CSMD1: variants seen among roughly 807,000 people sequenced by gnomAD.
CSMD1 encodes the protein CUB and Sushi multiple domains 1, also known as CUB and sushi domain-containing protein 1.
A neutral mutation model predicts 417.5 loss-of-function variants in CSMD1; 213 were observed. The ratio of observed to expected loss-of-function variants is 0.51; its 90% CI spans 0.46 to 0.57. The LOEUF is 0.57. Among genes scored for constraint, CSMD1 ranks in the 20% least tolerant of loss-of-function variants. The pLI is 0.00. For missense variants in CSMD1, 6,923 were observed against 4,529.7 expected, an observed-to-expected ratio of 1.53 and a Z score of -15.17; for synonymous variants, 2,862 against 1,736.8, an observed-to-expected ratio of 1.65 and a Z score of -16.11.
At chr8:3,427,595 C>T (rs1484465601) in intron 12 of CSMD1, among the ~76,000 whole-genome samples, 3 of 152,122 alleles carry the variant, frequency 2.0e-5, no homozygotes, top group African/African-American at 7.2e-5. Flanking sequence ...ATGAAACAAT[C>T]TATTTGACCA....
chr8:4,199,911 T>G (rs1268446645), intron 3 of CSMD1, among the ~76,000 whole-genome samples: 7 of 152,112 alleles, frequency 4.6e-5, no homozygotes, highest in African/African-American at 1.7e-4. Context: ...GTCATACATT[T>G]TGTGGTGAAG....
At chr8:3,874,236 A>T (rs1285183956) in intron 5 of CSMD1, among the ~76,000 whole-genome samples, 1 of 152,172 alleles carries the variant, frequency 6.6e-6, no homozygotes. Context: ...TTTCTAAAGG[A>T]TGAAGAGCAT....
chr8:4,963,019 T>C (rs1050603248), intron 1 of CSMD1, among the ~76,000 whole-genome samples: 1 of 152,108 alleles, frequency 6.6e-6, no homozygotes, highest in African/African-American at 2.4e-5. Context: ...CCAGGTGCCC[T>C]GTTTATAGCC....
intron 5 of CSMD1, among the ~76,000 whole-genome samples, chr8:3,760,617 G>A (rs755928884): frequency 3.9e-5 from 6 of 152,162 alleles, no homozygotes; most frequent in Admixed American, 6.6e-5. Context: ...TGCATTTCGC[G>A]TATGTGACTT....
intron 3 of CSMD1, among the ~76,000 whole-genome samples, chr8:4,191,426 C>T (rs1563249365): frequency 6.7e-6 from 1 of 150,342 alleles, no homozygotes; most frequent in South Asian, 2.1e-4. Flanking sequence ...CAAAACAAAA[C>T]AAAAAACACA....
chr8:4,220,589 G>C (rs1157718646), intron 3 of CSMD1, among the ~76,000 whole-genome samples: 2 of 152,198 alleles, frequency 1.3e-5, no homozygotes, highest in Non-Finnish European at 2.9e-5. Context: ...TTTTCCTAGA[G>C]TGATAAGGGT....
At chr8:4,111,251 T>C (rs1261306406) in intron 3 of CSMD1, among the ~76,000 whole-genome samples, 1 of 152,176 alleles carries the variant, frequency 6.6e-6, no homozygotes, top group Non-Finnish European at 1.5e-5. Flanking sequence ...TCTATTATCA[T>C]CAGTCAGTTT....
At chr8:4,886,649 TTTTA>T (rs1190922282) in intron 1 of CSMD1, among the ~76,000 whole-genome samples, 2 of 152,228 alleles carry the variant, frequency 1.3e-5, no homozygotes, top group African/African-American at 4.8e-5. Flanking sequence ...GAGTAGATAT[TTTTA>T]TTTCCAAGTA....
intron 3 of CSMD1, among the ~76,000 whole-genome samples, chr8:4,204,254 G>C (rs1246045384): frequency 6.6e-6 from 1 of 151,176 alleles, no homozygotes; most frequent in East Asian, 1.9e-4. Flanking sequence ...ACCCATTTAT[G>C]CAATGCTAGG....
At chr8:3,624,662 G>T (rs563645023) in intron 7 of CSMD1, among the ~76,000 whole-genome samples, 64 of 152,248 alleles carry the variant, frequency 4.2e-4, no homozygotes, top group Admixed American at 1.7e-3. Context: ...GAAATTTTTA[G>T]TAGCAGTCTC....
rs138794353 is a variant in CSMD1, at chr8:3,726,149, C to T, written c.932-17658G>A. The stretch of plus-strand genomic sequence containing the variant: ...TCCCTGCCAACAGCCATGCAGGCAC[C>T]GAGGCGTCCTGCCAATCTCCACACG... On this transcript the variant is annotated intron_variant, in intron 6 of 69. Transcript: ENST00000635120. 5.9e-5 allele frequency among the ~76,000 whole-genome samples: 9 copies of T among 152,040 alleles called. No homozygotes were observed. The East Asian group carries it at 9.8e-4, about 16-fold the overall frequency.
chr8:4,811,339 C>G (rs1336537769), intron 1 of CSMD1, among the ~76,000 whole-genome samples: 2 of 152,114 alleles, frequency 1.3e-5, no homozygotes, highest in African/African-American at 4.8e-5. Context: ...TTTCTTCTTT[C>G]AAACTACCTT....
chr8:4,441,008 AT>A (rs897397448), intron 2 of CSMD1, among the ~76,000 whole-genome samples: 1 of 148,988 alleles, frequency 6.7e-6, no homozygotes, highest in Non-Finnish European at 1.5e-5. Flanking sequence ...AAAAAAAAAA[AT>A]TAAAAATATT....
At chr8:3,887,955 G>C (rs1475460212) in intron 5 of CSMD1, among the ~76,000 whole-genome samples, 1 of 152,116 alleles carries the variant, frequency 6.6e-6, no homozygotes, top group Non-Finnish European at 1.5e-5. Context: ...CAATACTTAA[G>C]AAAACAGAGA....
intron 2 of CSMD1, among the ~76,000 whole-genome samples, chr8:4,469,098 A>G (rs541253010): frequency 2.0e-5 from 3 of 152,306 alleles, no homozygotes; most frequent in African/African-American, 7.2e-5. Flanking sequence ...ACCTGTTTGA[A>G]GAGTTTGGTG....
At chr8:4,048,951 A>T (rs1274543481) in intron 3 of CSMD1, among the ~76,000 whole-genome samples, 1 of 152,134 alleles carries the variant, frequency 6.6e-6, no homozygotes. Context: ...TTCTACTATA[A>T]ATCTATCGTA....
At chr8:4,975,807 G>A (rs184256168) in intron 1 of CSMD1, among the ~76,000 whole-genome samples, 1 of 151,952 alleles carries the variant, frequency 6.6e-6, no homozygotes, top group African/African-American at 2.4e-5. Flanking sequence ...AATAGTGTAT[G>A]CATTTTTTTT....
chr8:3,443,156 G>T (rs144457203), intron 12 of CSMD1, among the ~76,000 whole-genome samples: 3 of 152,120 alleles, frequency 2.0e-5, no homozygotes, highest in African/African-American at 7.2e-5. Context: ...TGCACACCAC[G>T]TGTCACCTTC....
intron 49 of CSMD1, among the ~76,000 whole-genome samples, chr8:3,074,377 G>A (rs1813500096): frequency 6.6e-6 from 1 of 152,122 alleles, no homozygotes; most frequent in Non-Finnish European, 1.5e-5. Context: ...ATCACGGGAG[G>A]AGGGTCCACC....
Sources: gnomAD v4.1 joint callset for allele counts (sites outside exome capture counted in the v4.1 genomes callset) on GRCh38, gnomAD v4.1.1 for gene constraint, MANE v1.5 for transcripts, NCBI Gene and HGNC (gene_info 2026-07-23, HGNC 2026-07-21) for gene names.